PLEKHA6: variants seen among roughly 807,000 people sequenced by gnomAD.
PLEKHA6 encodes the protein pleckstrin homology domain containing A6, also known as pleckstrin homology domain-containing family A member 6.
Under a neutral mutation model 116.7 loss-of-function variants are expected in PLEKHA6, and 60 were observed. The ratio of observed to expected loss-of-function variants is 0.51; its 90% CI spans 0.42 to 0.64. The LOEUF is 0.64. Among genes scored for constraint, PLEKHA6 ranks in the 30% least tolerant of loss-of-function variants. The pLI, the probability that PLEKHA6 is intolerant of heterozygous loss-of-function variation, is 0.00. For missense variants in PLEKHA6, 1,338 were observed against 1,422.7 expected, an observed-to-expected ratio of 0.94 and a Z score of 0.96; for synonymous variants, 489 against 556.1, an observed-to-expected ratio of 0.88 and a Z score of 1.70.
intron 3 of PLEKHA6, among the ~76,000 whole-genome samples, chr1:204,365,024 T>A (rs2103401223): frequency 6.6e-6 from 1 of 152,180 alleles, no homozygotes; most frequent in South Asian, 2.1e-4. Context: ...CAGGTGGGCA[T>A]GAGCCACATG....
intron 17 of PLEKHA6, among the ~76,000 whole-genome samples, chr1:204,241,078 G>C (rs563662868): frequency 5.9e-5 from 9 of 152,204 alleles, no homozygotes; most frequent in Middle Eastern, 3.4e-3. Context: ...GTGGGACCTT[G>C]TCAGCATGTA....
intron 1 of PLEKHA6, among the ~76,000 whole-genome samples, chr1:204,331,522 G>A (rs2103270730): frequency 6.6e-6 from 1 of 152,266 alleles, no homozygotes; most frequent in South Asian, 2.1e-4. Context: ...GAGAAGAGAA[G>A]AACATTCTGG....
intron 1 of PLEKHA6, among the ~76,000 whole-genome samples, chr1:204,286,647 C>A (rs971496671): frequency 6.6e-6 from 1 of 152,170 alleles, no homozygotes; most frequent in Non-Finnish European, 1.5e-5. Flanking sequence ...ACAGCAATAG[C>A]AGAGCATTAA....
rs138473043 is a variant in PLEKHA6 at position 204,292,471 on chromosome 1, C to T, written c.-94-17662G>A. On this transcript the variant is annotated intron_variant, in intron 1 of 22. Transcript: ENST00000272203. ...GGCTGATGCCCACCTATGTCCCTCA[C>T]CCGGGCACTATGTCCCTCACCCTGG... Among the ~76,000 whole-genome samples the T allele has an allele frequency of 2.0e-3, 303 of 152,208 alleles. 1 individual carries two copies. The highest frequency in any genetic ancestry group is 6.2e-3 in the African/African-American group (256 of 41,504).
chr1:204,375,627 A>G (rs1356935955), intron 1 of PLEKHA6, among the ~76,000 whole-genome samples: 1 of 152,072 alleles, frequency 6.6e-6, no homozygotes, highest in Non-Finnish European at 1.5e-5. Flanking sequence ...GCCTCAAATC[A>G]TCGCTCAGGA....
At chr1:204,245,536 G>C (rs1327302244) in intron 14 of PLEKHA6, 79 bp downstream of exon 14, 1 of 814,590 alleles carries the variant, frequency 1.2e-6, no homozygotes, top group Admixed American at 1.9e-5. Flanking sequence ...GAGCTGGCAG[G>C]AGTGGGATGG....
At chr1:204,241,150 C>T (rs1248880065) in intron 17 of PLEKHA6, among the ~76,000 whole-genome samples, 1 of 152,162 alleles carries the variant, frequency 6.6e-6, no homozygotes, top group Non-Finnish European at 1.5e-5. Context: ...AGTTCTGTCC[C>T]TCTAGAGAAC....
chr1:204,307,943 T>C, intron 1 of PLEKHA6: 1 of 925,528 alleles, frequency 1.1e-6, no homozygotes, highest in Non-Finnish European at 1.3e-6. Flanking sequence ...ATTTTGAGAC[T>C]ATTCCTCCAT....
intron 1 of PLEKHA6, among the ~76,000 whole-genome samples, chr1:204,286,741 TC>T (rs1227176955): frequency 2.6e-5 from 4 of 152,190 alleles, no homozygotes; most frequent in African/African-American, 9.6e-5. Flanking sequence ...CCAGTATACT[TC>T]TCCTGGGAGT....
intron 1 of PLEKHA6, chr1:204,311,709 G>A: frequency 1.1e-6 from 1 of 923,330 alleles, no homozygotes; most frequent in African/African-American, 1.8e-5. Context: ...AATATTTATT[G>A]AATGAAATTG....
Position 204,248,529 on chromosome 1 carries a change from C to G in PLEKHA6, c.1824+292G>C, listed in dbSNP as rs73075533. ...GTGGGCAGCAGAGGTGTTAGCACAGCCAAGGAAATAAGTAACTCACAACTT... is the reference window on the plus strand; with the variant it reads ...GTGGGCAGCAGAGGTGTTAGCACAGGCAAGGAAATAAGTAACTCACAACTT... On this transcript the variant is annotated intron_variant, in intron 12 of 22. Coordinates refer to ENST00000272203, the MANE Select transcript of PLEKHA6 (RefSeq NM_014935.5). Among the ~76,000 whole-genome samples the G allele has an allele frequency of 6.9e-3, 1,051 of 152,236 alleles. 4 individuals are homozygous for G. The highest frequency in any genetic ancestry group is 0.02 in the Middle Eastern group (6 of 294).
At chr1:204,315,051 G>A (rs1164519203) in intron 1 of PLEKHA6, among the ~76,000 whole-genome samples, 2 of 152,210 alleles carry the variant, frequency 1.3e-5, no homozygotes, top group Non-Finnish European at 2.9e-5. Flanking sequence ...GAGAATGACA[G>A]CCCTGTCCAG....
intron 1 of PLEKHA6, among the ~76,000 whole-genome samples, chr1:204,346,128 C>T (rs1474758281): frequency 6.6e-6 from 1 of 152,176 alleles, no homozygotes; most frequent in Non-Finnish European, 1.5e-5. Flanking sequence ...ATTGGATAGC[C>T]CCCTCCTCAA....
At position 204,244,794 on chromosome 1, in the gene PLEKHA6, T is replaced by C. The variant is rs1663404744; in HGVS notation, c.2172+70A>G. On this transcript the variant is annotated intron_variant, in intron 15 of 22. Transcript: ENST00000272203. ...GGGGAAGAGATGGGCACAGAAGTTG[T>C]ATAGTTTCAGACAAACGAGGATCTG... 12 of 1,223,700 alleles carry C rather than the reference T, an allele frequency of 9.8e-6. No homozygotes were observed. The South Asian group carries it at 1.7e-4, about 18-fold the overall frequency. The allele number at this position is 1,223,700 out of a possible 1,614,324, so 75.8% of individuals were successfully genotyped here.
rs146051970 is a variant in PLEKHA6 at position 204,276,277 on chromosome 1, G to A, written c.-94-1468C>T. Among the ~76,000 whole-genome samples, 756 of 152,206 alleles carry A rather than the reference G, an allele frequency of 5.0e-3. 8 individuals carry two copies. Among genetic ancestry groups the A allele is most frequent in the African/African-American group, 0.017 (703 of 41,518 alleles). On this transcript the variant is annotated intron_variant, in intron 1 of 22. Transcript: ENST00000272203. ...CAGCCAGGACCCAAAAACCAGGCGC[G>A]TGTCCACCAGGCCTGGGTTCTGAGT...
At position 204,223,790 on chromosome 1, in the gene PLEKHA6, G is replaced by A. The variant is rs1659967220; in HGVS notation, c.3032-205C>T. 6.6e-6 allele frequency among the ~76,000 whole-genome samples: 1 copy of A among 150,944 alleles called. No homozygotes were observed. Among genetic ancestry groups the A allele is most frequent in the Non-Finnish European group, 1.5e-5 (1 of 67,598 alleles). On this transcript the variant is annotated intron_variant, in intron 21 of 22. Coordinates refer to ENST00000272203, the MANE Select transcript of PLEKHA6 (RefSeq NM_014935.5). The surrounding 1 kb of genome is among the most constrained non-coding windows in gnomAD (Gnocchi z 4.8). ...GAGGAGAGTGTGAGGCCCCAGAGGA[G>A]ACCTGGCCGAATCTAGGCTCTGCTG...
intron 6 of PLEKHA6, 65 bp downstream of exon 6, chr1:204,264,877 C>G: frequency 8.7e-7 from 1 of 1,155,246 alleles, no homozygotes; most frequent in Non-Finnish European, 1.3e-6. Flanking sequence ...CTTCTCCATT[C>G]CCATAGGCTC....
chr1:204,324,078 G>T (rs922976836), intron 1 of PLEKHA6, among the ~76,000 whole-genome samples: 1 of 152,138 alleles, frequency 6.6e-6, no homozygotes, highest in Non-Finnish European at 1.5e-5. Flanking sequence ...CCAAGGTTCT[G>T]CTTGAGTCTG....
chr1:204,246,944 CG>C, intron 13 of PLEKHA6, among the ~76,000 whole-genome samples: 1 of 152,222 alleles, frequency 6.6e-6, no homozygotes, highest in South Asian at 2.1e-4. Flanking sequence ...GAGACCAGCC[CG>C]GCCAACACAG....
Sources: allele counts gnomAD v4.1 joint callset (sites outside exome capture counted in the v4.1 genomes callset), GRCh38; gene constraint gnomAD v4.1.1; non-coding constraint Gnocchi (gnomAD v3.1); transcripts MANE v1.5; gene names NCBI Gene and HGNC (gene_info 2026-07-23, HGNC 2026-07-21).